EFL1: variants seen among roughly 807,000 people sequenced by gnomAD.
EFL1 encodes elongation factor like GTPase 1.
EFL1 carries 76 observed loss-of-function variants against 126.7 expected under a neutral mutation model. The ratio of observed to expected loss-of-function variants is 0.60; its 90% CI spans 0.50 to 0.73. The LOEUF is 0.73. EFL1 is among the 30% of genes least tolerant of loss of function. The pLI is 0.00. For missense variants in EFL1, 1,128 were observed against 1,343.2 expected (o/e 0.84, Z 2.50); for synonymous variants, 410 against 448.4 (o/e 0.91, Z 1.08).
At chr15:82,244,468 G>C (rs1162455399) in intron 4 of EFL1, among the ~76,000 whole-genome samples, 3 of 152,130 alleles carry the variant, frequency 2.0e-5, no homozygotes, top group Admixed American at 6.5e-5. Flanking sequence ...AAGTCCTGAA[G>C]CTATATGTTG....
At chr15:82,204,826 T>A (rs759912365) in intron 15 of EFL1, among the ~76,000 whole-genome samples, 2 of 152,230 alleles carry the variant, frequency 1.3e-5, no homozygotes, top group African/African-American at 2.4e-5. Context: ...AGTGTTGGCA[T>A]GACAACTATG....
intron 17 of EFL1, 38 bp downstream of exon 17, chr15:82,157,675 G>C (rs747287007): frequency 6.3e-7 from 1 of 1,587,226 alleles, no homozygotes; most frequent in African/African-American, 1.3e-5. Context: ...CATTGATTGA[G>C]AGCTATCATT....
chr15:82,131,142 A>C lies in EFL1; in HGVS notation c.3175-581T>G, dbSNP rs539426232. ...CAGTTCATAACACTAAGGAAGAAAG[A>C]AAACTATTAATTTTTCATAATATAA... On this transcript the variant is annotated intron_variant, in intron 19 of 19. Coordinates refer to ENST00000268206, the MANE Select transcript of EFL1 (RefSeq NM_024580.6). Among the ~76,000 whole-genome samples the C allele has an allele frequency of 2.0e-5, 3 of 152,358 alleles. No homozygotes were observed. In the East Asian group the frequency reaches 5.8e-4, roughly 29 times the overall value.
chr15:82,237,629 T>A (rs963309433), intron 7 of EFL1, among the ~76,000 whole-genome samples: 29 of 151,820 alleles, frequency 1.9e-4, no homozygotes, highest in African/African-American at 6.8e-4. Flanking sequence ...CATACAACTA[T>A]CATATGACCC....
Position 82,228,333 on chromosome 15 carries a change from G to A in EFL1, c.933-6C>T, listed in dbSNP as rs1360517127. ...TATCAATTTTGTCTTTGTCCCTGTG[G>A]TAAACACAAGATTGGAGAGGGGAAA... On this transcript the variant is annotated splice_polypyrimidine_tract_variant and splice_region_variant and intron_variant, in intron 9 of 19. Coordinates refer to ENST00000268206, the MANE Select transcript of EFL1 (RefSeq NM_024580.6). 1 of 1,612,306 alleles carries A rather than the reference G, an allele frequency of 6.2e-7. No individual in the cohort carries two copies.
At chr15:82,213,440 T>C (rs2074610150) in intron 15 of EFL1, among the ~76,000 whole-genome samples, 2 of 152,232 alleles carry the variant, frequency 1.3e-5, no homozygotes, top group Admixed American at 6.5e-5. Context: ...TCTCTCCTTA[T>C]ACACCACTTA....
At chr15:82,213,331 A>G (rs533665698) in intron 15 of EFL1, among the ~76,000 whole-genome samples, 12 of 152,340 alleles carry the variant, frequency 7.9e-5, no homozygotes, top group Non-Finnish European at 1.8e-4. Context: ...TCTCTTCTCC[A>G]AGAATAAATG....
At chr15:82,235,301 T>G (rs968077275) in intron 7 of EFL1, among the ~76,000 whole-genome samples, 2 of 152,160 alleles carry the variant, frequency 1.3e-5, no homozygotes, top group African/African-American at 4.8e-5. Context: ...CATATGTACA[T>G]CCTCAATAAA....
chr15:82,184,940 C>T (rs1026905003), intron 15 of EFL1, among the ~76,000 whole-genome samples: 1 of 152,134 alleles, frequency 6.6e-6, no homozygotes, highest in African/African-American at 2.4e-5. Context: ...AATAGTAAGT[C>T]CATTGTTTAG....
chr15:82,157,495 G>A (rs982174007), intron 17 of EFL1: 9 of 450,222 alleles, frequency 2.0e-5, no homozygotes, highest in Non-Finnish European at 3.0e-5. Flanking sequence ...TATGACTTAA[G>A]CTAAAAATGC....
intron 19 of EFL1, among the ~76,000 whole-genome samples, chr15:82,136,657 A>G (rs1290467465): frequency 6.6e-6 from 1 of 152,194 alleles, no homozygotes; most frequent in Non-Finnish European, 1.5e-5. Flanking sequence ...ACTGCCTTTT[A>G]AAACCCATCC....
intron 15 of EFL1, among the ~76,000 whole-genome samples, chr15:82,201,030 G>A (rs1485546760): frequency 2.0e-5 from 3 of 152,156 alleles, no homozygotes; most frequent in Non-Finnish European, 4.4e-5. Flanking sequence ...GTGCCACCAT[G>A]CCTGTTTTTT....
intron 13 of EFL1, 75 bp from the exon 14 acceptor site, chr15:82,219,893 G>C: frequency 6.6e-7 from 1 of 1,515,422 alleles, no homozygotes; most frequent in East Asian, 2.3e-5. Flanking sequence ...ATAGAAGGAG[G>C]AGTGAATATG....
chr15:82,226,674 CA>C (rs1198797031), intron 11 of EFL1, among the ~76,000 whole-genome samples: 1 of 152,180 alleles, frequency 6.6e-6, no homozygotes, highest in African/African-American at 2.4e-5. Flanking sequence ...GTCCAGAAAA[CA>C]GACATGCTCT....
At chr15:82,133,966 G>T (rs2073691281) in intron 19 of EFL1, among the ~76,000 whole-genome samples, 1 of 152,208 alleles carries the variant, frequency 6.6e-6, no homozygotes, top group Non-Finnish European at 1.5e-5. Context: ...AACGTGGTGT[G>T]AGGGTCAACT....
intron 11 of EFL1, among the ~76,000 whole-genome samples, chr15:82,226,514 A>G (rs1163758369): frequency 6.6e-6 from 1 of 152,212 alleles, no homozygotes; most frequent in Non-Finnish European, 1.5e-5. Context: ...TGGACTGAGT[A>G]AATGAAAAGA....
At chr15:82,233,954 CA>C in intron 7 of EFL1, among the ~76,000 whole-genome samples, 1 of 152,312 alleles carries the variant, frequency 6.6e-6, no homozygotes, top group East Asian at 1.9e-4. Context: ...CATAAATTCA[CA>C]TATCAACTTG....
intron 15 of EFL1, among the ~76,000 whole-genome samples, chr15:82,190,130 T>A (rs1321641036): frequency 1.4e-5 from 2 of 145,590 alleles, no homozygotes; most frequent in African/African-American, 2.5e-5. Context: ...AAAAAAAAAA[T>A]TCATGTTACT....
intron 12 of EFL1, among the ~76,000 whole-genome samples, chr15:82,224,062 T>C (rs1481528422): frequency 1.3e-5 from 2 of 152,152 alleles, no homozygotes; most frequent in Non-Finnish European, 2.9e-5. Context: ...ACAGCACAAG[T>C]ACAGATAGGA....
Sources: allele counts gnomAD v4.1 joint callset (sites outside exome capture counted in the v4.1 genomes callset), GRCh38; gene constraint gnomAD v4.1.1; transcripts MANE v1.5; gene names NCBI Gene and HGNC (gene_info 2026-07-23, HGNC 2026-07-21).